Variants in DMRT3 observed in about 807,000 individuals in gnomAD.
DMRT3 encodes the protein doublesex and mab-3 related transcription factor 3, also known as doublesex- and mab-3-related transcription factor 3.
Under a neutral mutation model 34.9 loss-of-function variants are expected in DMRT3, and 29 were observed. That is an observed-to-expected ratio of 0.83 (90% CI 0.62 to 1.13). The LOEUF (loss-of-function observed/expected upper bound fraction) is 1.13, where lower values mean the gene tolerates loss of function less well. Among genes scored for constraint, DMRT3 ranks in the 50% most tolerant of loss-of-function variants. The pLI is 0.00. For synonymous variants in DMRT3, 350 were observed against 286.0 expected, an observed-to-expected ratio of 1.22 and a Z score of -2.26; for missense variants, 772 against 629.1, an observed-to-expected ratio of 1.23 and a Z score of -2.43.
intron 1 of DMRT3, among the ~76,000 whole-genome samples, chr9:980,256 G>T (rs1365188794): frequency 6.6e-6 from 1 of 152,162 alleles, no homozygotes; most frequent in Non-Finnish European, 1.5e-5. Flanking sequence ...GTAACTGGAA[G>T]AATTTTTTCT....
In DMRT3 at chr9:977,295, G is replaced by A; in HGVS notation, c.294G>A (p.Pro98=). 3 of 1,395,694 alleles carry A rather than the reference G, an allele frequency of 2.1e-6. No homozygotes were observed. Among genetic ancestry groups the A allele is most frequent in the South Asian group, 1.8e-5 (1 of 56,784 alleles). The allele number at this position is 1,395,694 out of a possible 1,614,324, so 86.5% of individuals were successfully genotyped here. A position where few individuals can be genotyped will look rare whatever the true frequency, so the allele number is the denominator to read the frequency against. The change falls in exon 1 of 2, where the codon CCG becomes CCA. Residue 98 remains proline, a synonymous_variant. Coordinates refer to ENST00000190165, the MANE Select transcript of DMRT3 (RefSeq NM_021240.4). ...CGCTGCGCGCTCTGCCAGGGCCCCC[G>A]CCGCCGGGGGACGCCGTCGCCGCCC... ...PDSLRALPGP[P]PPGDAVAAPQ...
At position 990,165 on chromosome 9, in the gene DMRT3, G is replaced by A. The variant is rs570625531; in HGVS notation, c.579G>A (p.Glu193=). The change falls in exon 2 of 2, where the codon GAG becomes GAA. Residue 193 remains glutamate (E), a synonymous_variant. Coordinates refer to ENST00000190165, the MANE Select transcript of DMRT3 (RefSeq NM_021240.4). The part of the protein sequence containing the change: ...VAKSKGCFTP[E]SPEIVSVEEG... ...AGAGTAAGGGCTGCTTCACCCCTGA[G>A]AGCCCTGAGATAGTGTCCGTGGAGG... The A allele has an allele frequency of 1.3e-4, 212 of 1,614,062 alleles. No individual in the cohort carries two copies. The East Asian group carries it at 3.8e-3, about 29-fold the overall frequency.
At chr9:983,014 C>T (rs377340223) in intron 1 of DMRT3, among the ~76,000 whole-genome samples, 6 of 152,152 alleles carry the variant, frequency 3.9e-5, no homozygotes, top group South Asian at 4.1e-4. Flanking sequence ...ACAGGTCCAC[C>T]GCCTTGTGAT....
At chr9:987,663 G>C (rs1820302450) in intron 1 of DMRT3, among the ~76,000 whole-genome samples, 1 of 151,990 alleles carries the variant, frequency 6.6e-6, no homozygotes, top group African/African-American at 2.4e-5. Flanking sequence ...AGCTAGGTGT[G>C]GGTCTTACAC....
intron 1 of DMRT3, among the ~76,000 whole-genome samples, chr9:984,353 GT>G (rs1330757792): frequency 3.3e-5 from 5 of 152,016 alleles, no homozygotes; most frequent in African/African-American, 1.2e-4. Flanking sequence ...CTCTGCTCGA[GT>G]TTTTCTGTGT....
At position 977,005 on chromosome 9, in the gene DMRT3, A is replaced by T; in HGVS notation, c.4A>T (p.Asn2Tyr). M[N>Y]GYGSPYLYMG... ...AACTCATTCGGGAGCCCGGGGCATG[A>T]ACGGCTACGGCTCCCCCTACCTGTA... Residue 2 changes from asparagine to tyrosine, a missense_variant, in exon 1 of 2, where the codon AAC becomes TAC. Physicochemically the swap from Asn to Tyr is moderately radical, Grantham distance 143. Transcript: ENST00000190165. 2 of 1,497,928 alleles carry T rather than the reference A, an allele frequency of 1.3e-6. No homozygotes were observed. Among genetic ancestry groups the T allele is most frequent in the East Asian group, 2.5e-5 (1 of 39,692 alleles). The allele number at this position is 1,497,928 out of a possible 1,614,324, so 92.8% of individuals were successfully genotyped here. A position where few individuals can be genotyped will look rare whatever the true frequency, so the allele number is the denominator to read the frequency against.
intron 1 of DMRT3, among the ~76,000 whole-genome samples, chr9:983,052 A>G (rs1253057124): frequency 2.6e-5 from 4 of 152,216 alleles, no homozygotes; most frequent in Admixed American, 2.6e-4. Context: ...ACATCGCCTT[A>G]GTGAGTCATC....
At chr9:988,751 AAC>A (rs1287413260) in intron 1 of DMRT3, among the ~76,000 whole-genome samples, 2 of 152,182 alleles carry the variant, frequency 1.3e-5, no homozygotes, top group Non-Finnish European at 2.9e-5. Context: ...GGCAGCAGAA[AAC>A]ACAGGCAAAG....
chr9:978,124 G>A (rs1406962427), intron 1 of DMRT3, among the ~76,000 whole-genome samples: 1 of 152,198 alleles, frequency 6.6e-6, no homozygotes, highest in African/African-American at 2.4e-5. Flanking sequence ...CTGATAGCGG[G>A]AAAAGAATCT....
chr9:987,412 CTGTGTGTGTGTGTGTGTGTG>C lies in DMRT3; in HGVS notation c.455-2603_455-2584del, dbSNP rs6150885. ...CTTTTTAAGGCTGAATAATATCCCA[CTGTGTGTGTGTGTGTGTGTG>C]TGTGTGTGTGTGTGTGTGTGTGTGT... is the stretch of plus-strand genomic sequence containing the variant. On this transcript the variant is annotated intron_variant, in intron 1 of 1. Transcript: ENST00000190165. 1.0e-3 allele frequency among the ~76,000 whole-genome samples: 151 copies of C among 149,608 alleles called. 1 individual carries two copies. The highest frequency in any genetic ancestry group is 3.4e-3 in the Admixed American group (51 of 15,000).
chr9:990,487 G>A lies in DMRT3; in HGVS notation c.901G>A (p.Glu301Lys), dbSNP rs1198994799. The change falls in exon 2 of 2, where the codon GAA becomes AAA. Residue 301 changes from glutamate (E) to lysine (K), a missense_variant. By Grantham distance (56) the Glu-to-Lys change is moderately conservative (BLOSUM62 1). Coordinates refer to ENST00000190165, the MANE Select transcript of DMRT3 (RefSeq NM_021240.4). ...CACGGGAGCAGAGCGAACTTCCGCA[G>A]AACCTGAGAGTCTAGCGTTGCCCTC... ...SVTGAERTSA[E>K]PESLALPSNG... is the part of the protein sequence containing the mutation. The A allele has an allele frequency of 1.2e-6, 2 of 1,614,052 alleles. No homozygotes were observed. Among genetic ancestry groups the A allele is most frequent in the African/African-American group, 2.7e-5 (2 of 74,916 alleles).
chr9:976,943 C>T lies in DMRT3; in HGVS notation c.-59C>T. 7.2e-7 allele frequency: 1 copy of T among 1,391,174 alleles called. No individual in the cohort carries two copies. Among genetic ancestry groups the T allele is most frequent in the South Asian group, 1.7e-5 (1 of 59,904 alleles). The allele number at this position is 1,391,174 out of a possible 1,614,324, so 86.2% of individuals were successfully genotyped here. ...TGAGCGGGCCTCGCAGCCCCGCCGT[C>T]CAGCGCTCCCTGGCCCTCTCCCGCA... On this transcript the variant is annotated 5_prime_UTR_variant, in exon 1 of 2. Transcript: ENST00000190165. This position sits in a 1 kb window ranked among gnomAD's most constrained non-coding sequence, Gnocchi z 4.5.
At position 976,959 on chromosome 9, in the gene DMRT3, C is replaced by A; in HGVS notation, c.-43C>A. 2.8e-6 allele frequency: 4 copies of A among 1,430,698 alleles called. No individual in the cohort carries two copies. The highest frequency in any genetic ancestry group is 3.7e-6 in the Non-Finnish European group (4 of 1,090,738). 88.6% of individuals were successfully genotyped at this position (1,430,698 alleles called of 1,614,324 possible). A position where few individuals can be genotyped will look rare whatever the true frequency, so the allele number is the denominator to read the frequency against. On this transcript the variant is annotated 5_prime_UTR_variant, in exon 1 of 2. Coordinates refer to ENST00000190165, the MANE Select transcript of DMRT3 (RefSeq NM_021240.4). This position sits in a 1 kb window ranked among gnomAD's most constrained non-coding sequence, Gnocchi z 4.5. ...CCCCGCCGTCCAGCGCTCCCTGGCC[C>A]TCTCCCGCAGCCAGGCTGCCAACTC...
At position 990,805 on chromosome 9, in the gene DMRT3, T is replaced by C. The variant is rs750376558; in HGVS notation, c.1219T>C (p.Tyr407His). 18 of 1,614,024 alleles carry C rather than the reference T, an allele frequency of 1.1e-5. No homozygotes were observed. Among genetic ancestry groups the C allele is most frequent in the Admixed American group, 1.0e-4 (6 of 60,002 alleles). The change falls in exon 2 of 2, where the codon TAT becomes CAT. Residue 407 changes from tyrosine to histidine, a missense_variant. Coordinates refer to ENST00000190165, the MANE Select transcript of DMRT3 (RefSeq NM_021240.4). ...LQQQYQLRSQ[Y>H]VSPFPSNSTS... ...GCAGCAGTATCAGCTGAGGTCCCAG[T>C]ATGTCAGTCCTTTCCCCAGTAACTC...
intron 1 of DMRT3, among the ~76,000 whole-genome samples, chr9:988,200 G>C (rs1197565822): frequency 1.3e-5 from 2 of 152,090 alleles, no homozygotes; most frequent in Non-Finnish European, 2.9e-5. Flanking sequence ...AGTGAAGATG[G>C]CTTCATATGT....
At position 977,215 on chromosome 9, in the gene DMRT3, G is replaced by C. The variant is rs752963613; in HGVS notation, c.214G>C (p.Val72Leu). 2.5e-6 allele frequency: 4 copies of C among 1,604,860 alleles called. No homozygotes were observed. The highest frequency in any genetic ancestry group is 1.7e-5 in the Admixed American group (1 of 59,306). ...IERQRVMAAQ[V>L]ALRRQQANES... Reference sequence around the variant, plus strand: ...GCGGCAGCGGGTCATGGCTGCGCAGGTGGCGCTGCGCCGGCAGCAGGCCAA... The same window carrying C: ...GCGGCAGCGGGTCATGGCTGCGCAGCTGGCGCTGCGCCGGCAGCAGGCCAA... Residue 72 changes from valine to leucine, a missense_variant, in exon 1 of 2, where the codon GTG becomes CTG. Coordinates refer to ENST00000190165, the MANE Select transcript of DMRT3 (RefSeq NM_021240.4).
Position 990,573 on chromosome 9 carries a change from T to C in DMRT3, c.987T>C (p.Ser329=). ...SSYPISSSKW[S]VGSAFRVPDT... is the part of the protein sequence containing the mutation. ...ACCCCATCTCGTCTTCCAAATGGTC[T>C]GTGGGATCAGCCTTTCGAGTCCCAG... Residue 329 remains serine (S), a synonymous_variant, in exon 2 of 2, where the codon TCT becomes TCC. Transcript: ENST00000190165. The C allele has an allele frequency of 1.2e-6, 2 of 1,614,140 alleles. No individual in the cohort carries two copies. Among genetic ancestry groups the C allele is most frequent in the Non-Finnish European group, 1.7e-6 (2 of 1,180,028 alleles).
chr9:982,848 T>C (rs1347350671), intron 1 of DMRT3, among the ~76,000 whole-genome samples: 1 of 152,200 alleles, frequency 6.6e-6, no homozygotes, highest in Non-Finnish European at 1.5e-5. Context: ...CTCTTGCTTT[T>C]TTCCTTTCTT....
intron 1 of DMRT3, among the ~76,000 whole-genome samples, chr9:984,029 T>TG (rs908656744): frequency 2.7e-4 from 41 of 152,130 alleles, no homozygotes; most frequent in African/African-American, 9.4e-4. Context: ...CAACTATTCA[T>TG]TTTTTTAAAA....
Sources: gnomAD v4.1 joint callset for allele counts (sites outside exome capture counted in the v4.1 genomes callset) on GRCh38, gnomAD v4.1.1 for gene constraint, Gnocchi (gnomAD v3.1) non-coding constraint, MANE v1.5 for transcripts, NCBI Gene and HGNC (gene_info 2026-07-23, HGNC 2026-07-21) for gene names.